BLK: variants seen among roughly 807,000 people sequenced by gnomAD.
BLK encodes BLK proto-oncogene, Src family tyrosine kinase.
A neutral mutation model predicts 61.8 loss-of-function variants in BLK; 64 were observed. The observed-to-expected ratio is 1.03, with a 90% CI of 0.85 to 1.27. The LOEUF is 1.27. Among genes scored for constraint, BLK ranks in the 50% most tolerant of loss-of-function variants. The pLI is 0.00. For missense variants in BLK, 853 were observed against 660.5 expected (o/e 1.29, Z -3.19); for synonymous variants, 351 against 272.0 (o/e 1.29, Z -2.86).
intron 1 of BLK, among the ~76,000 whole-genome samples, chr8:11,538,725 C>G (rs1336549279): frequency 6.6e-6 from 1 of 152,142 alleles, no homozygotes; most frequent in Non-Finnish European, 1.5e-5. Context: ...ATACTAGGAG[C>G]TGCTGACCAC....
At chr8:11,561,231 G>A in intron 10 of BLK, 71 bp from the exon 11 acceptor site, 5 of 1,565,702 alleles carry the variant, frequency 3.2e-6, no homozygotes, top group Non-Finnish European at 4.3e-6. Context: ...GCTGTGCGGG[G>A]GACACAGTGT....
intron 1 of BLK, among the ~76,000 whole-genome samples, chr8:11,512,162 G>T (rs955355269): frequency 6.6e-6 from 1 of 152,214 alleles, no homozygotes; most frequent in African/African-American, 2.4e-5. Context: ...TATGCTACTG[G>T]TCTGTAAGAA....
chr8:11,557,685 G>GCTGGGTGACTTCAGACAGGTCCCTGCAC (rs1563122799), intron 9 of BLK, among the ~76,000 whole-genome samples: 3 of 152,192 alleles, frequency 2.0e-5, no homozygotes, highest in Non-Finnish European at 4.4e-5. Context: ...CCAGCTCCCG[G>GCTGGGTGACTTCAGACAGGTCCCTGCAC]CTGGGTGACT....
chr8:11,555,072 G>C (rs1362550206), intron 7 of BLK, among the ~76,000 whole-genome samples, 183 bp downstream of exon 7: 2 of 152,178 alleles, frequency 1.3e-5, no homozygotes, highest in East Asian at 3.8e-4. Context: ...TCCCTCTCCT[G>C]GCTCAGCAGG....
At chr8:11,534,670 C>T (rs1167022595) in intron 1 of BLK, among the ~76,000 whole-genome samples, 1 of 152,210 alleles carries the variant, frequency 6.6e-6, no homozygotes, top group Non-Finnish European at 1.5e-5. Context: ...GATCTTTTCA[C>T]TTTAAAAAAT....
rs117286710 is a variant in BLK, at chr8:11,527,960, T to C, written c.-1-15264T>C. 8.5e-3 allele frequency among the ~76,000 whole-genome samples: 1,299 copies of C among 152,240 alleles called. 6 individuals carry two copies. The highest frequency in any genetic ancestry group is 0.013 in the Non-Finnish European group (901 of 68,012). On this transcript the variant is annotated intron_variant, in intron 1 of 12. Coordinates refer to ENST00000259089, the MANE Select transcript of BLK (RefSeq NM_001715.3). ...AGGTCCCCCCATAATCCTGTTCTTGTGGGCTTTCTTAGTCTTACAAGGGTG... is the reference window on the plus strand; with the variant it reads ...AGGTCCCCCCATAATCCTGTTCTTGCGGGCTTTCTTAGTCTTACAAGGGTG...
At chr8:11,545,564 A>G (rs548717552) in intron 2 of BLK, among the ~76,000 whole-genome samples, 1 of 152,212 alleles carries the variant, frequency 6.6e-6, no homozygotes, top group South Asian at 2.1e-4. Context: ...AAAATTGTTT[A>G]TGTATTATGA....
In BLK at chr8:11,556,097, G is replaced by C. The variant is rs1273342325; in HGVS notation, c.773-561G>C. 3.1e-5 allele frequency: 7 copies of C among 228,512 alleles called. No individual in the cohort carries two copies. The East Asian group carries it at 7.3e-4, about 24-fold the overall frequency. 14.2% of individuals were successfully genotyped at this position (228,512 alleles called of 1,614,324 possible). ...CTGATGCCCACGGTGCTTTTGGCAG[G>C]AGCTGTACCCAGGTCCCTGCCAAGG... On this transcript the variant is annotated intron_variant, in intron 8 of 12. Transcript: ENST00000259089.
intron 1 of BLK, among the ~76,000 whole-genome samples, chr8:11,525,157 C>T (rs1799607286): frequency 6.6e-6 from 1 of 152,192 alleles, no homozygotes; most frequent in Non-Finnish European, 1.5e-5. Context: ...CGTGCTGACC[C>T]TTGCCTTTTC....
Position 11,534,490 on chromosome 8 carries a change from A to C in BLK, c.-1-8734A>C, listed in dbSNP as rs566323186. Among the ~76,000 whole-genome samples, 3 of 152,292 alleles carry C rather than the reference A, an allele frequency of 2.0e-5. 1 individual carries two copies. In the South Asian group the frequency reaches 6.2e-4, roughly 32 times the overall value. On this transcript the variant is annotated intron_variant, in intron 1 of 12. Transcript: ENST00000259089. ...TTCAAGCTTCTCTGTTAGCAGAATC[A>C]AATGTAGGTGACTCGATAAACAAGT...
intron 1 of BLK, among the ~76,000 whole-genome samples, chr8:11,494,972 G>A (rs1045722495): frequency 1.3e-5 from 2 of 152,246 alleles, no homozygotes; most frequent in Non-Finnish European, 2.9e-5. Flanking sequence ...ACTGTGCAGA[G>A]CTGACAGAGG....
chr8:11,531,990 C>G (rs1434626112), intron 1 of BLK, among the ~76,000 whole-genome samples: 1 of 152,052 alleles, frequency 6.6e-6, no homozygotes, highest in Non-Finnish European at 1.5e-5. Context: ...TCCCAAGTAG[C>G]TGTGATTACA....
chr8:11,563,421 C>A lies in BLK; in HGVS notation c.1312+311C>A, dbSNP rs73663167. ...GTTCTCAGTTGAGGACAGGTTGTGC[C>A]TACCTTGGCTTTGCACCCATAGTGG... is the stretch of plus-strand genomic sequence containing the variant. On this transcript the variant is annotated intron_variant, in intron 12 of 12. Transcript: ENST00000259089. Among the ~76,000 whole-genome samples, 2,604 of 152,362 alleles carry A rather than the reference C, an allele frequency of 0.017. 69 individuals carry two copies. Among genetic ancestry groups the A allele is most frequent in the African/African-American group, 0.06 (2,506 of 41,582 alleles).
At chr8:11,547,892 T>C in intron 3 of BLK, 140 bp from the exon 4 acceptor site, 1 of 759,240 alleles carries the variant, frequency 1.3e-6, no homozygotes, top group Admixed American at 2.0e-5. Context: ...GGGCTGGGGG[T>C]GGGGGCCTGT....
At chr8:11,529,996 G>T (rs910838704) in intron 1 of BLK, among the ~76,000 whole-genome samples, 2 of 152,306 alleles carry the variant, frequency 1.3e-5, no homozygotes, top group Non-Finnish European at 1.5e-5. Context: ...TAACAGGTGT[G>T]CTGTAGCTGT....
chr8:11,552,545 G>C (rs1178483830), intron 6 of BLK: 3 of 152,144 alleles, frequency 2.0e-5, no homozygotes, highest in African/African-American at 2.4e-5. Flanking sequence ...CACAGAAGTA[G>C]AGAAAATAGT....
chr8:11,504,663 C>T lies in BLK; in HGVS notation c.-2+10072C>T, dbSNP rs905133601. ...GCTCAGGCTACATGGAGCATGTGCT[C>T]AAAAACTGTCTCCAATATGGTGACT... On this transcript the variant is annotated intron_variant, in intron 1 of 12. Coordinates refer to ENST00000259089, the MANE Select transcript of BLK (RefSeq NM_001715.3). Among the ~76,000 whole-genome samples the T allele has an allele frequency of 7.2e-5, 11 of 152,326 alleles. No individual in the cohort carries two copies. In the East Asian group the frequency reaches 2.1e-3, roughly 29 times the overall value.
intron 1 of BLK, among the ~76,000 whole-genome samples, chr8:11,502,370 C>G (rs1166952646): frequency 1.3e-5 from 2 of 151,924 alleles, no homozygotes; most frequent in Non-Finnish European, 2.9e-5. Context: ...GTGGCACGAT[C>G]TCTGGTCACT....
At chr8:11,498,918 T>C (rs1563415914) in intron 1 of BLK, among the ~76,000 whole-genome samples, 1 of 152,258 alleles carries the variant, frequency 6.6e-6, no homozygotes. Context: ...AGGGGGTCCT[T>C]GTACTTCAAA....
Sources: gnomAD v4.1 joint callset for allele counts (sites outside exome capture counted in the v4.1 genomes callset) on GRCh38, gnomAD v4.1.1 for gene constraint, MANE v1.5 for transcripts, NCBI Gene and HGNC (gene_info 2026-07-23, HGNC 2026-07-21) for gene names.